The following MYO16 variants were observed in gnomAD, a reference collection of about 807,000 sequenced individuals.
The protein encoded by MYO16 is myosin XVI.
Under a neutral mutation model 205.3 loss-of-function variants are expected in MYO16, and 94 were observed. That is an observed-to-expected ratio of 0.46 (90% CI 0.39 to 0.54). MYO16 has a LOEUF of 0.54. Ranked by LOEUF, MYO16 falls within the 20% of genes least tolerant of loss-of-function variation. The pLI is 0.00. For missense variants in MYO16, 2,315 were observed against 2,387.5 expected, an observed-to-expected ratio of 0.97 and a Z score of 0.63; for synonymous variants, 988 against 954.0, an observed-to-expected ratio of 1.04 and a Z score of -0.66.
At chr13:108,607,054 G>A (rs1451023187) in intron 1 of MYO16, among the ~76,000 whole-genome samples, 2 of 152,126 alleles carry the variant, frequency 1.3e-5, no homozygotes, top group Non-Finnish European at 2.9e-5. Flanking sequence ...TTCTTCCATT[G>A]GAACTGGTGT....
intron 4 of MYO16, among the ~76,000 whole-genome samples, chr13:108,784,400 T>C (rs1019602641): frequency 1.3e-5 from 2 of 152,146 alleles, no homozygotes; most frequent in Non-Finnish European, 2.9e-5. Flanking sequence ...TTATAGAAAA[T>C]ATAGCATAGT....
chr13:109,188,021 C>A (rs1280387524), intron 34 of MYO16, among the ~76,000 whole-genome samples: 2 of 152,154 alleles, frequency 1.3e-5, no homozygotes, highest in Non-Finnish European at 2.9e-5. Context: ...CATTTGGAAG[C>A]TATATTTGAG....
intron 19 of MYO16, 151 bp downstream of exon 19, chr13:108,962,646 T>C (rs1288201018): frequency 7.8e-6 from 5 of 641,588 alleles, no homozygotes; most frequent in Non-Finnish European, 1.3e-5. Context: ...TCATTTGACA[T>C]GACTATAGTG....
intron 3 of MYO16, 76 bp from the exon 4 acceptor site, chr13:108,727,364 T>A (rs956695866): frequency 4.5e-5 from 66 of 1,473,262 alleles, no homozygotes; most frequent in African/African-American, 3.1e-4. Flanking sequence ...AGTTTTTTTT[T>A]AAATCTGTGG....
the MYO16 span, among the ~76,000 whole-genome samples, chr13:108,556,437 A>C: frequency 3.6e-4 from 55 of 152,086 alleles, no homozygotes; most frequent in Non-Finnish European, 1.2e-4. Flanking sequence ...AATTCTTTTG[A>C]GAAATGTCTC....
At chr13:108,657,425 A>C (rs926707370) in intron 1 of MYO16, among the ~76,000 whole-genome samples, 3 of 152,214 alleles carry the variant, frequency 2.0e-5, no homozygotes, top group African/African-American at 7.2e-5. Context: ...AATTTTTTTA[A>C]TGAATGCTAT....
At chr13:108,600,684 G>C (rs1176317586) in intron 1 of MYO16, among the ~76,000 whole-genome samples, 1 of 152,134 alleles carries the variant, frequency 6.6e-6, no homozygotes, top group Non-Finnish European at 1.5e-5. Context: ...GAAATTCTAG[G>C]ACTTTGAAGT....
chr13:108,983,101 A>G (rs1046800152), intron 20 of MYO16, among the ~76,000 whole-genome samples: 16 of 152,232 alleles, frequency 1.1e-4, no homozygotes, highest in African/African-American at 3.9e-4. Flanking sequence ...CAAAGACTAA[A>G]TCAAAACAAG....
chr13:109,117,944 T>G (rs1379171296), intron 28 of MYO16, among the ~76,000 whole-genome samples: 1 of 152,192 alleles, frequency 6.6e-6, no homozygotes, highest in Non-Finnish European at 1.5e-5. Context: ...TATAGTACTC[T>G]TCATGATGTA....
chr13:108,614,466 A>T lies in MYO16; in HGVS notation c.-39+18227A>T, dbSNP rs147455194. Reference sequence around the variant, plus strand: ...AGCTGGACTTTTTGCAGAAATTGACAATCTGACCTTAGAATTAACACATAA... The same window carrying T: ...AGCTGGACTTTTTGCAGAAATTGACTATCTGACCTTAGAATTAACACATAA... On this transcript the variant is annotated intron_variant, in intron 1 of 24. Transcript: ENST00000251041. 5.6e-3 allele frequency among the ~76,000 whole-genome samples: 847 copies of T among 152,184 alleles called. 12 individuals are homozygous for T. Among genetic ancestry groups the T allele is most frequent in the African/African-American group, 0.019 (810 of 41,556 alleles).
intron 23 of MYO16, among the ~76,000 whole-genome samples, chr13:109,036,509 C>T (rs1230946345): frequency 3.9e-5 from 6 of 152,082 alleles, no homozygotes; most frequent in South Asian, 4.2e-4. Context: ...CCAAAAAAGC[C>T]GCATACTGTC....
chr13:108,947,397 A>G (rs1350101081), intron 16 of MYO16, among the ~76,000 whole-genome samples: 1 of 152,140 alleles, frequency 6.6e-6, no homozygotes, highest in East Asian at 1.9e-4. Flanking sequence ...TGAGTTAGAG[A>G]AAGTTCTGCC....
At chr13:109,099,464 G>C (rs1242228986) in intron 27 of MYO16, among the ~76,000 whole-genome samples, 2 of 152,112 alleles carry the variant, frequency 1.3e-5, no homozygotes, top group African/African-American at 4.8e-5. Context: ...GACCTAATAG[G>C]AAGGAATAAG....
At chr13:108,577,137 G>A in the MYO16 span, among the ~76,000 whole-genome samples, 2 of 152,144 alleles carry the variant, frequency 1.3e-5, no homozygotes, top group East Asian at 1.9e-4. Context: ...CTTTTCATGA[G>A]GTGTTTGGTC....
intron 7 of MYO16, among the ~76,000 whole-genome samples, chr13:108,813,740 C>T (rs1887365575): frequency 6.6e-6 from 1 of 152,074 alleles, no homozygotes; most frequent in African/African-American, 2.4e-5. Context: ...GTCACCTTAA[C>T]CTCTGATAAC....
intron 27 of MYO16, among the ~76,000 whole-genome samples, chr13:109,081,472 G>A (rs893175178): frequency 2.0e-5 from 3 of 152,182 alleles, no homozygotes; most frequent in African/African-American, 7.2e-5. Flanking sequence ...TCAAGGGAAA[G>A]TTGGGGTGAC....
At chr13:109,111,117 A>G (rs116055877) in intron 28 of MYO16, among the ~76,000 whole-genome samples, 2 of 152,216 alleles carry the variant, frequency 1.3e-5, no homozygotes, top group Non-Finnish European at 1.5e-5. Context: ...AGAAAATGAT[A>G]TTGATCCAGG....
At chr13:108,711,066 A>G (rs1269665921) in intron 2 of MYO16, among the ~76,000 whole-genome samples, 1 of 151,788 alleles carries the variant, frequency 6.6e-6, no homozygotes, top group Non-Finnish European at 1.5e-5. Context: ...CATTTATTCT[A>G]TATATATATA....
intron 21 of MYO16, among the ~76,000 whole-genome samples, chr13:108,994,675 T>G (rs1484787231): frequency 2.0e-5 from 3 of 152,160 alleles, no homozygotes; most frequent in Admixed American, 2.0e-4. Context: ...TTTTATTCTG[T>G]TTTGCGCTTA....
Sources: gnomAD v4.1 joint callset for allele counts (sites outside exome capture counted in the v4.1 genomes callset) on GRCh38, gnomAD v4.1.1 for gene constraint, MANE v1.5 for transcripts, NCBI Gene and HGNC (gene_info 2026-07-23, HGNC 2026-07-21) for gene names.